The following NELL1 variants were observed in gnomAD, a reference collection of about 807,000 sequenced individuals.
NELL1 encodes the protein neural EGFL like 1.
In NELL1, 76 loss-of-function variants were observed where a neutral mutation model predicts 107.4. That is an observed-to-expected ratio of 0.71 (90% CI 0.59 to 0.86). The LOEUF is 0.86. Among genes scored for constraint, NELL1 ranks in the 40% least tolerant of loss-of-function variants. NELL1 has a pLI of 0.00. For missense variants in NELL1, 1,024 were observed against 1,005.5 expected (o/e 1.02, Z -0.25); for synonymous variants, 353 against 341.2 (o/e 1.03, Z -0.38).
At chr11:21,207,582 A>T (rs181765660) in intron 13 of NELL1, among the ~76,000 whole-genome samples, 57 of 152,306 alleles carry the variant, frequency 3.7e-4, no homozygotes, top group African/African-American at 1.1e-3. Flanking sequence ...TTATGTACAA[A>T]TAATGAAACT....
intron 17 of NELL1, among the ~76,000 whole-genome samples, chr11:21,562,814 T>C (rs563711427): frequency 6.6e-6 from 1 of 152,150 alleles, no homozygotes; most frequent in African/African-American, 2.4e-5. Context: ...GGTCAAGACT[T>C]ACTGCTGAAG....
At chr11:21,492,044 A>G (rs1854833518) in intron 15 of NELL1, among the ~76,000 whole-genome samples, 1 of 152,160 alleles carries the variant, frequency 6.6e-6, no homozygotes, top group African/African-American at 2.4e-5. Context: ...AAACTAATTT[A>G]CAAGGAAAAA....
intron 15 of NELL1, among the ~76,000 whole-genome samples, chr11:21,403,621 A>G (rs1247909265): frequency 6.8e-6 from 1 of 146,232 alleles, no homozygotes; most frequent in African/African-American, 2.5e-5. Context: ...AAAAAAAAAA[A>G]TGTGCCTTTA....
intron 2 of NELL1, among the ~76,000 whole-genome samples, chr11:20,744,595 C>T (rs1855963501): frequency 6.6e-6 from 1 of 152,218 alleles, no homozygotes; most frequent in South Asian, 2.1e-4. Context: ...CATAGGTGGT[C>T]CTTCTGGAGC....
chr11:20,797,303 G>A (rs777282947), intron 3 of NELL1, among the ~76,000 whole-genome samples: 5 of 151,780 alleles, frequency 3.3e-5, no homozygotes, highest in Non-Finnish European at 5.9e-5. Flanking sequence ...GGTGGCTCGC[G>A]CCTGTAATCC....
At chr11:21,485,693 C>T (rs1473262545) in intron 15 of NELL1, among the ~76,000 whole-genome samples, 3 of 151,924 alleles carry the variant, frequency 2.0e-5, no homozygotes, top group Non-Finnish European at 4.4e-5. Flanking sequence ...ACAGTCACCA[C>T]TGCACCCACC....
intron 11 of NELL1, among the ~76,000 whole-genome samples, chr11:20,949,590 T>C (rs958723375): frequency 6.6e-6 from 1 of 152,226 alleles, no homozygotes; most frequent in Non-Finnish European, 1.5e-5. Context: ...AGCAGAATCA[T>C]TAATTAGGCC....
At chr11:20,983,166 A>T (rs1334003911) in intron 12 of NELL1, among the ~76,000 whole-genome samples, 1 of 152,100 alleles carries the variant, frequency 6.6e-6, no homozygotes, top group Admixed American at 6.5e-5. Context: ...CAGTATCCTC[A>T]ATAGCATTCT....
intron 15 of NELL1, among the ~76,000 whole-genome samples, chr11:21,467,148 A>G (rs1854052144): frequency 6.6e-6 from 1 of 152,076 alleles, no homozygotes; most frequent in Admixed American, 6.6e-5. Flanking sequence ...GGTTAAAAGC[A>G]AGGATTCTGG....
At chr11:20,956,428 C>T (rs1054019487) in intron 11 of NELL1, among the ~76,000 whole-genome samples, 3 of 151,920 alleles carry the variant, frequency 2.0e-5, no homozygotes, top group Admixed American at 2.0e-4. Flanking sequence ...GGGTAGATCA[C>T]GAGGTCAGGA....
chr11:21,330,473 T>C (rs994200603), intron 14 of NELL1, among the ~76,000 whole-genome samples: 3 of 141,344 alleles, frequency 2.1e-5, no homozygotes, highest in Non-Finnish European at 4.7e-5. Flanking sequence ...TTCTTCATTT[T>C]TGAAAGATAG....
intron 2 of NELL1, among the ~76,000 whole-genome samples, chr11:20,735,410 A>G (rs1254903901): frequency 6.6e-6 from 1 of 152,168 alleles, no homozygotes; most frequent in Non-Finnish European, 1.5e-5. Context: ...TCTTCACATG[A>G]TGACAGGAAG....
rs556435830 is a variant in NELL1, at chr11:21,561,006, C to T, written c.1980+624C>T. On this transcript the variant is annotated intron_variant, in intron 17 of 19. Transcript: ENST00000357134. The stretch of plus-strand genomic sequence containing the variant: ...TGTCATCATTTGGTTTTGCTTTATG[C>T]TTTGCAAAATGGGTCTATTAAACTG... 3.3e-5 allele frequency among the ~76,000 whole-genome samples: 5 copies of T among 152,186 alleles called. No individual in the cohort carries two copies. In the South Asian group the frequency reaches 1.0e-3, roughly 32 times the overall value.
In NELL1 at chr11:20,847,656, A is replaced by G; in HGVS notation, c.409A>G (p.Thr137Ala). The change falls in exon 4 of 20, where the codon ACA becomes GCA. Residue 137 changes from threonine (T) to alanine (A), a missense_variant. Coordinates refer to ENST00000357134, the MANE Select transcript of NELL1 (RefSeq NM_006157.5). Reference sequence around the variant, plus strand: ...CTACATACACAATGGGAAGCCAAGGACAGAGGCACTTCCTTACCGCATGGC... The same window carrying G: ...CTACATACACAATGGGAAGCCAAGGGCAGAGGCACTTCCTTACCGCATGGC... ...YHYIHNGKPRTEALPYRMADG... is the reference protein window; with the variant it reads ...YHYIHNGKPRAEALPYRMADG... 1 of 1,613,894 alleles carries G rather than the reference A, an allele frequency of 6.2e-7. No individual in the cohort carries two copies. Among genetic ancestry groups the G allele is most frequent in the Non-Finnish European group, 8.5e-7 (1 of 1,179,862 alleles).
At chr11:20,732,294 A>T (rs116277365) in intron 2 of NELL1, among the ~76,000 whole-genome samples, 2 of 152,048 alleles carry the variant, frequency 1.3e-5, no homozygotes, top group Non-Finnish European at 2.9e-5. Flanking sequence ...GGGAGAGAAT[A>T]TTTGAGTTCC....
At chr11:21,304,221 A>G (rs1280081536) in intron 14 of NELL1, among the ~76,000 whole-genome samples, 2 of 152,064 alleles carry the variant, frequency 1.3e-5, no homozygotes, top group African/African-American at 2.4e-5. Flanking sequence ...CCACCATGCC[A>G]TTTAACATGT....
intron 14 of NELL1, among the ~76,000 whole-genome samples, chr11:21,264,515 T>C (rs866121234): frequency 1.3e-5 from 2 of 151,966 alleles, no homozygotes; most frequent in South Asian, 4.1e-4. Flanking sequence ...TATATCTACT[T>C]TGTAATATTG....
chr11:20,730,383 G>A (rs767890033), intron 2 of NELL1, among the ~76,000 whole-genome samples: 1 of 152,104 alleles, frequency 6.6e-6, no homozygotes. Context: ...TGGGGAAAGG[G>A]TCTATTTTTG....
At chr11:20,885,712 A>G (rs1212327847) in intron 5 of NELL1, among the ~76,000 whole-genome samples, 172 bp downstream of exon 5, 1 of 152,234 alleles carries the variant, frequency 6.6e-6, no homozygotes, top group Non-Finnish European at 1.5e-5. Context: ...TGTGCTTGAC[A>G]TGAATAAACT....
Sources: allele counts gnomAD v4.1 joint callset (sites outside exome capture counted in the v4.1 genomes callset), GRCh38; gene constraint gnomAD v4.1.1; transcripts MANE v1.5; gene names NCBI Gene and HGNC (gene_info 2026-07-23, HGNC 2026-07-21).